SNX18: variants seen among roughly 807,000 people sequenced by gnomAD.
The protein encoded by SNX18 is sorting nexin-18.
In SNX18, 35 loss-of-function variants were observed where a neutral mutation model predicts 48.7. That is an observed-to-expected ratio of 0.72 (90% CI 0.55 to 0.95). SNX18 has a LOEUF of 0.95. Ranked by LOEUF, SNX18 falls within the 40% of genes least tolerant of loss-of-function variation. The pLI is 0.00. For synonymous variants in SNX18, 492 were observed against 384.7 expected (o/e 1.28, Z -3.26); for missense variants, 824 against 871.0 (o/e 0.95, Z 0.68).
chr5:54,530,897 G>A (rs1002767868), intron 1 of SNX18, among the ~76,000 whole-genome samples: 1 of 151,364 alleles, frequency 6.6e-6, no homozygotes, highest in Admixed American at 6.6e-5. Context: ...GATTATAGGT[G>A]CCCGCCACCA....
At chr5:54,586,890 T>C in the SNX18 span, among the ~76,000 whole-genome samples, 2 of 152,124 alleles carry the variant, frequency 1.3e-5, no homozygotes, top group East Asian at 3.9e-4. Flanking sequence ...CAGGCATTTG[T>C]ATATAAATAT....
intron 1 of SNX18, among the ~76,000 whole-genome samples, chr5:54,541,863 T>G (rs1762477297): frequency 6.6e-6 from 1 of 152,204 alleles, no homozygotes; most frequent in Non-Finnish European, 1.5e-5. Context: ...ATATTATTCT[T>G]TAGGAGATTT....
chr5:54,619,483 G>A, the SNX18 span, among the ~76,000 whole-genome samples: 1 of 152,186 alleles, frequency 6.6e-6, no homozygotes, highest in Admixed American at 6.5e-5. Flanking sequence ...CTGCACTCCA[G>A]CCTGGGTGAC....
the SNX18 span, among the ~76,000 whole-genome samples, chr5:54,627,966 A>G: frequency 1.1e-4 from 17 of 152,266 alleles, no homozygotes; most frequent in Middle Eastern, 0.01. Flanking sequence ...ACCCACGCCT[A>G]CATCTGGGTT....
the SNX18 span, among the ~76,000 whole-genome samples, chr5:54,557,766 G>A: frequency 1.3e-5 from 2 of 152,154 alleles, no homozygotes; most frequent in African/African-American, 2.4e-5. Flanking sequence ...ATTTTATGTT[G>A]TGTATAATTT....
the SNX18 span, among the ~76,000 whole-genome samples, chr5:54,640,656 A>G: frequency 1.3e-5 from 2 of 152,178 alleles, no homozygotes; most frequent in Non-Finnish European, 1.5e-5. Flanking sequence ...CATCATAATG[A>G]GTAAAAGAGC....
intron 1 of SNX18, among the ~76,000 whole-genome samples, chr5:54,525,010 G>A (rs537065715): frequency 2.4e-4 from 36 of 152,244 alleles, no homozygotes; most frequent in South Asian, 6.2e-4. Flanking sequence ...CCAAGAAGCC[G>A]TGGGTGCAGA....
intron 1 of SNX18, among the ~76,000 whole-genome samples, chr5:54,522,729 G>A (rs1385876387): frequency 1.3e-5 from 2 of 148,374 alleles, no homozygotes; most frequent in Non-Finnish European, 3.0e-5. Flanking sequence ...AGGCCATCCT[G>A]GTGAGAACCC....
At chr5:54,593,610 C>A in the SNX18 span, among the ~76,000 whole-genome samples, 9 of 152,160 alleles carry the variant, frequency 5.9e-5, no homozygotes, top group Non-Finnish European at 1.2e-4. Context: ...GAAAGATGAA[C>A]GAACTTGGAA....
chr5:54,564,983 G>A, the SNX18 span, among the ~76,000 whole-genome samples: 1 of 152,220 alleles, frequency 6.6e-6, no homozygotes, highest in Non-Finnish European at 1.5e-5. Flanking sequence ...GGCTGCTCAT[G>A]TCCCTTGGCT....
At chr5:54,554,527 G>A in the SNX18 span, among the ~76,000 whole-genome samples, 1 of 152,182 alleles carries the variant, frequency 6.6e-6, no homozygotes, top group Non-Finnish European at 1.5e-5. Flanking sequence ...CAGTGAAGGG[G>A]CTGAAACATG....
chr5:54,562,742 A>G, the SNX18 span, among the ~76,000 whole-genome samples: 1 of 152,358 alleles, frequency 6.6e-6, no homozygotes, highest in African/African-American at 2.4e-5. Context: ...ATTTTAGAGT[A>G]TACGCCTTCT....
chr5:54,626,320 TTTC>T, the SNX18 span, among the ~76,000 whole-genome samples: 5 of 152,172 alleles, frequency 3.3e-5, no homozygotes, highest in African/African-American at 1.2e-4. Flanking sequence ...GATAATTTCT[TTTC>T]TTCTTCTTTT....
At chr5:54,607,293 C>T in the SNX18 span, among the ~76,000 whole-genome samples, 1 of 152,200 alleles carries the variant, frequency 6.6e-6, no homozygotes, top group South Asian at 2.1e-4. Context: ...CCCAGCCCCA[C>T]TCCCCAACGC....
At chr5:54,616,634 T>C in the SNX18 span, among the ~76,000 whole-genome samples, 1 of 152,034 alleles carries the variant, frequency 6.6e-6, no homozygotes, top group African/African-American at 2.4e-5. Flanking sequence ...CCAGGCGAAG[T>C]GGCAGGCGCC....
chr5:54,558,623 A>T, the SNX18 span, among the ~76,000 whole-genome samples: 1 of 152,108 alleles, frequency 6.6e-6, no homozygotes, highest in Non-Finnish European at 1.5e-5. Context: ...CTTGGTCCTT[A>T]TCTCTAATGC....
the SNX18 span, among the ~76,000 whole-genome samples, chr5:54,573,209 C>T: frequency 6.6e-6 from 1 of 152,070 alleles, no homozygotes; most frequent in Admixed American, 6.6e-5. Context: ...CACATCTTCC[C>T]ATATATACAA....
chr5:54,541,744 C>T (rs562016864), intron 1 of SNX18, among the ~76,000 whole-genome samples: 3 of 152,244 alleles, frequency 2.0e-5, no homozygotes, highest in South Asian at 2.1e-4. Flanking sequence ...CACACCTACA[C>T]GTACATATAT....
the SNX18 span, among the ~76,000 whole-genome samples, chr5:54,592,527 G>A: frequency 8.8e-3 from 1,334 of 152,276 alleles, 19 homozygotes; most frequent in African/African-American, 0.031. Flanking sequence ...AAATTACTGA[G>A]ATGATGATCG....
Sources: gnomAD v4.1 joint callset for allele counts (sites outside exome capture counted in the v4.1 genomes callset) on GRCh38, gnomAD v4.1.1 for gene constraint, MANE v1.5 for transcripts, NCBI Gene and HGNC (gene_info 2026-07-23, HGNC 2026-07-21) for gene names.